The following EIF5B variants were observed in gnomAD, a reference collection of about 807,000 sequenced individuals.
EIF5B encodes the protein eIF-5B.
EIF5B carries 47 observed loss-of-function variants against 147.5 expected under a neutral mutation model. That is an observed-to-expected ratio of 0.32 (90% CI 0.25 to 0.41). The LOEUF is 0.41. Ranked by LOEUF, EIF5B falls within the 10% of genes least tolerant of loss-of-function variation. EIF5B has a pLI of 1.00. For missense variants in EIF5B, 1,064 were observed against 1,413.2 expected (o/e 0.75, Z 3.96); for synonymous variants, 455 against 456.2 (o/e 1.00, Z 0.03).
intron 12 of EIF5B, among the ~76,000 whole-genome samples, chr2:99,381,518 GGTGTGTGTGTGT>G (rs56686088): frequency 7.0e-6 from 1 of 142,988 alleles, no homozygotes; most frequent in Non-Finnish European, 1.5e-5. Context: ...ACAAAAAGGG[GGTGTGTGTGTGT>G]GTGTGTGTGT....
chr2:99,394,486 C>T, intron 19 of EIF5B, 23 bp from the exon 20 acceptor site: 2 of 1,613,968 alleles, frequency 1.2e-6, no homozygotes, highest in Non-Finnish European at 1.7e-6. Context: ...TACAGATAAA[C>T]ATGGAAACTC....
At chr2:99,377,525 T>C (rs1295456563) in intron 10 of EIF5B, among the ~76,000 whole-genome samples, 2 of 151,368 alleles carry the variant, frequency 1.3e-5, no homozygotes, top group South Asian at 2.1e-4. Context: ...ACCTCAGTTA[T>C]GACTGTCTTT....
At chr2:99,395,704 A>C (rs1675030154) in intron 21 of EIF5B, among the ~76,000 whole-genome samples, 1 of 152,144 alleles carries the variant, frequency 6.6e-6, no homozygotes, top group South Asian at 2.1e-4. Flanking sequence ...TAAAGCAGGG[A>C]AGGGCCTAGA....
intron 10 of EIF5B, among the ~76,000 whole-genome samples, chr2:99,378,303 C>T (rs1462539573): frequency 6.6e-6 from 1 of 152,146 alleles, no homozygotes; most frequent in African/African-American, 2.4e-5. Context: ...GCCAACTTTA[C>T]TGTATTTGAG....
In EIF5B at chr2:99,384,154, G is replaced by A. The variant is rs567174050; in HGVS notation, c.2271+1233G>A. ...GGAGCTTGCAGTGAGCCGAGATCGCGCCACTGCACTCCAGCCTGGGTGACA... is the reference window on the plus strand; with the variant it reads ...GGAGCTTGCAGTGAGCCGAGATCGCACCACTGCACTCCAGCCTGGGTGACA... On this transcript the variant is annotated intron_variant, in intron 14 of 23. Coordinates refer to ENST00000289371, the MANE Select transcript of EIF5B (RefSeq NM_015904.4). Among the ~76,000 whole-genome samples, 765 of 133,492 alleles carry A rather than the reference G, an allele frequency of 5.7e-3. 6 individuals are homozygous for A. Among genetic ancestry groups the A allele is most frequent in the African/African-American group, 0.02 (686 of 33,672 alleles). 87.6% of individuals were successfully genotyped at this position (133,492 alleles called of 152,430 possible).
chr2:99,343,540 G>A (rs59360884), intron 1 of EIF5B, among the ~76,000 whole-genome samples: 22,314 of 151,818 alleles, frequency 0.15, 1,801 homozygotes, highest in East Asian at 0.25. Flanking sequence ...ATTGCTGGCC[G>A]GGCACAGTGG....
chr2:99,347,505 G>GTTT (rs939152579), intron 1 of EIF5B, among the ~76,000 whole-genome samples: 1 of 141,860 alleles, frequency 7.0e-6, no homozygotes, highest in Non-Finnish European at 1.5e-5. Flanking sequence ...GCATTTTTCA[G>GTTT]TTTTTTTTTT....
chr2:99,400,337 G>GGCTT lies in EIF5B; in HGVS notation c.*924_*927dup, dbSNP rs1675203444. The GGCTT allele has an allele frequency of 6.6e-6, 1 of 151,880 alleles. No individual in the cohort carries two copies. Among genetic ancestry groups the GGCTT allele is most frequent in the African/African-American group, 2.4e-5 (1 of 41,318 alleles). The allele number at this position is 151,880 out of a possible 1,614,324, so 9.4% of individuals were successfully genotyped here. Reference sequence around the variant, plus strand: ...TCATACACACATTTCCTGATATTTGGGCTTAGTGCTTCTAAATTGTTGCAG... The same window carrying GGCTT: ...TCATACACACATTTCCTGATATTTGGGCTTGCTTAGTGCTTCTAAATTGTTGCAG... On this transcript the variant is annotated 3_prime_UTR_variant, in exon 24 of 24. Coordinates refer to ENST00000289371, the MANE Select transcript of EIF5B (RefSeq NM_015904.4).
intron 14 of EIF5B, among the ~76,000 whole-genome samples, chr2:99,386,453 C>G (rs975245431): frequency 5.8e-5 from 8 of 136,832 alleles, no homozygotes; most frequent in Admixed American, 5.3e-4. Context: ...TTTTCATTTT[C>G]TTTGTTTTGT....
At chr2:99,354,493 C>T (rs947884263) in intron 1 of EIF5B, among the ~76,000 whole-genome samples, 1 of 152,170 alleles carries the variant, frequency 6.6e-6, no homozygotes, top group African/African-American at 2.4e-5. Context: ...TCATTCCCTT[C>T]ACATAGTCTT....
At chr2:99,378,984 T>C (rs753259623) in intron 10 of EIF5B, 35 bp from the exon 11 acceptor site, 2 of 1,430,622 alleles carry the variant, frequency 1.4e-6, no homozygotes. Context: ...TGAAATAATA[T>C]TTAATTTTTG....
At chr2:99,372,566 G>A (rs879798126) in intron 9 of EIF5B, among the ~76,000 whole-genome samples, 3 of 152,146 alleles carry the variant, frequency 2.0e-5, no homozygotes, top group Admixed American at 6.5e-5. Context: ...TCGAACTCCC[G>A]ACCTCAGGTG....
chr2:99,359,779 A>G (rs1674169668), intron 1 of EIF5B, among the ~76,000 whole-genome samples: 1 of 152,230 alleles, frequency 6.6e-6, no homozygotes, highest in African/African-American at 2.4e-5. Flanking sequence ...ATAATAGGCT[A>G]GGTGACTGAT....
chr2:99,343,820 T>TA (rs537272353), intron 1 of EIF5B, among the ~76,000 whole-genome samples: 170 of 146,010 alleles, frequency 1.2e-3, no homozygotes, highest in South Asian at 4.3e-3. Context: ...TCTCTAAAAA[T>TA]AAAAAAAAAA....
chr2:99,388,452 C>T (rs1414242053), intron 14 of EIF5B, among the ~76,000 whole-genome samples: 1 of 149,896 alleles, frequency 6.7e-6, no homozygotes, highest in Admixed American at 6.6e-5. Flanking sequence ...TTGTCAATGC[C>T]CTTTATTAAG....
rs1173455473 is a variant in EIF5B, at chr2:99,337,426, G to C, written c.-129G>C. ...TCCTGTTCCAGTGCGCGGGTCTGTG[G>C]AGAGCCGGGTGCGAGCGGCGGCAGC... On this transcript the variant is annotated 5_prime_UTR_variant, in exon 1 of 24. Coordinates refer to ENST00000289371, the MANE Select transcript of EIF5B (RefSeq NM_015904.4). 8.4e-7 allele frequency: 1 copy of C among 1,189,822 alleles called. No homozygotes were observed. The highest frequency in any genetic ancestry group is 1.2e-6 in the Non-Finnish European group (1 of 819,124). The allele number at this position is 1,189,822 out of a possible 1,614,324, so 73.7% of individuals were successfully genotyped here.
chr2:99,376,723 G>A lies in EIF5B; in HGVS notation c.1842+87G>A, dbSNP rs551017529. Reference sequence around the variant, plus strand: ...ACTCTACAACTAAAGGCTTTGAACAGCACTTTATGTATTCTCAAGAATAGA... The same window carrying A: ...ACTCTACAACTAAAGGCTTTGAACAACACTTTATGTATTCTCAAGAATAGA... On this transcript the variant is annotated intron_variant, in intron 10 of 23. Transcript: ENST00000289371. 61 of 1,468,008 alleles carry A rather than the reference G, an allele frequency of 4.2e-5. 1 individual carries two copies. Among genetic ancestry groups the A allele is most frequent in the East Asian group, 3.3e-4 (14 of 42,828 alleles). 90.9% of individuals were successfully genotyped at this position (1,468,008 alleles called of 1,614,324 possible).
intron 8 of EIF5B, 108 bp from the exon 9 acceptor site, chr2:99,371,548 A>G (rs1405814372): frequency 5.8e-6 from 5 of 868,606 alleles, no homozygotes; most frequent in Non-Finnish European, 8.7e-6. Context: ...TTTTTACATA[A>G]TTAAAACATT....
intron 13 of EIF5B, among the ~76,000 whole-genome samples, chr2:99,382,528 A>T (rs990598165): frequency 8.5e-5 from 13 of 152,148 alleles, no homozygotes; most frequent in African/African-American, 3.1e-4. Context: ...TCTTGTCCAT[A>T]TTCTTTAACA....
Sources: gnomAD v4.1 joint callset for allele counts (sites outside exome capture counted in the v4.1 genomes callset) on GRCh38, gnomAD v4.1.1 for gene constraint, MANE v1.5 for transcripts, NCBI Gene and HGNC (gene_info 2026-07-23, HGNC 2026-07-21) for gene names.